Variants in TRPM7 observed in about 807,000 individuals in gnomAD.
TRPM7 encodes transient receptor potential cation channel subfamily M member 7, also known as LTRPC ion channel family member 7.
TRPM7 carries 134 observed loss-of-function variants against 229.7 expected under a neutral mutation model. The ratio of observed to expected loss-of-function variants is 0.58; its 90% CI spans 0.51 to 0.67. The LOEUF (loss-of-function observed/expected upper bound fraction) is 0.67, where lower values mean the gene tolerates loss of function less well. Ranked by LOEUF, TRPM7 falls within the 30% of genes least tolerant of loss-of-function variation. TRPM7 has a pLI of 0.00. For missense variants in TRPM7, 1,901 were observed against 2,210.0 expected (o/e 0.86, Z 2.80); for synonymous variants, 699 against 715.2 (o/e 0.98, Z 0.36).
At chr15:50,665,852 G>C (rs929465752) in intron 1 of TRPM7, among the ~76,000 whole-genome samples, 4 of 152,086 alleles carry the variant, frequency 2.6e-5, no homozygotes, top group African/African-American at 7.2e-5. Context: ...AATTAGCAGA[G>C]TGTTGTGGTG....
At chr15:50,606,949 G>A (rs2059932859) in intron 20 of TRPM7, among the ~76,000 whole-genome samples, 1 of 152,104 alleles carries the variant, frequency 6.6e-6, no homozygotes, top group South Asian at 2.1e-4. Context: ...ACAAAATACA[G>A]GTTACATTTT....
At chr15:50,605,889 T>A (rs139081929) in intron 20 of TRPM7, among the ~76,000 whole-genome samples, 1 of 152,080 alleles carries the variant, frequency 6.6e-6, no homozygotes, top group Non-Finnish European at 1.5e-5. Flanking sequence ...GAATTTAAAA[T>A]GCAAAATAAG....
chr15:50,647,421 G>A (rs1439228149), intron 4 of TRPM7, among the ~76,000 whole-genome samples: 6 of 150,140 alleles, frequency 4.0e-5, no homozygotes, highest in African/African-American at 1.2e-4. Flanking sequence ...GTGAGCCACC[G>A]TGCCTGACCT....
At position 50,657,782 on chromosome 15, in the gene TRPM7, T is replaced by C. The variant is rs763741371; in HGVS notation, c.121A>G (p.Arg41Gly). 1 of 1,611,698 alleles carries C rather than the reference T, an allele frequency of 6.2e-7. No individual in the cohort carries two copies. Among genetic ancestry groups the C allele is most frequent in the Non-Finnish European group, 8.5e-7 (1 of 1,178,526 alleles). ...GCGGTATAGTTATGTTAAACTTACC[T>C]GACGAGTTGCTGACAAATTTGACAT... Reference protein sequence around the residue: ...PGCQICQQLVRCFCGRLVKQH... With the variant: ...PGCQICQQLVGCFCGRLVKQH... Residue 41 changes from arginine to glycine, a missense_variant and splice_region_variant, in exon 3 of 39, where the codon AGG becomes GGG. Arg to Gly is a moderately radical substitution (Grantham distance 125). Around this residue, in one of 8 missense-constraint regions of TRPM7, gnomAD observed 794 missense variants for 881.9 expected, o/e 0.90. Transcript: ENST00000646667.
chr15:50,574,845 CACTT>C lies in TRPM7; in HGVS notation c.5019+3_5019+6del, dbSNP rs1330450037. 5 of 1,606,578 alleles carry C rather than the reference CACTT, an allele frequency of 3.1e-6. No homozygotes were observed. The highest frequency in any genetic ancestry group is 2.7e-5 in the African/African-American group (2 of 74,464). Reference sequence around the variant, plus strand: ...TGTTCCACTATTAAATATTCACTGACACTTACTCTCAGACAGAGATGCAGAACTG... The same window carrying C: ...TGTTCCACTATTAAATATTCACTGACACTCTCAGACAGAGATGCAGAACTG... On this transcript the variant is annotated splice_donor_5th_base_variant and intron_variant, in intron 34 of 38. Coordinates refer to ENST00000646667, the MANE Select transcript of TRPM7 (RefSeq NM_017672.6).
chr15:50,597,099 CTTA>C (rs2059654108), intron 22 of TRPM7, among the ~76,000 whole-genome samples: 1 of 152,140 alleles, frequency 6.6e-6, no homozygotes, highest in African/African-American at 2.4e-5. Context: ...TTGAGTTTAT[CTTA>C]TTATGTCACA....
chr15:50,605,719 CACT>C (rs1566992989), intron 20 of TRPM7, among the ~76,000 whole-genome samples: 1 of 152,194 alleles, frequency 6.6e-6, no homozygotes, highest in Non-Finnish European at 1.5e-5. Flanking sequence ...TAGAAGCAAC[CACT>C]ACTATTACTG....
chr15:50,678,906 C>T (rs931834634), intron 1 of TRPM7, among the ~76,000 whole-genome samples: 2 of 152,136 alleles, frequency 1.3e-5, no homozygotes, highest in Non-Finnish European at 2.9e-5. Flanking sequence ...CGAAGTCTCG[C>T]TCTGTCACCC....
At chr15:50,644,890 CTTTGGTT>C (rs1422768261) in intron 4 of TRPM7, among the ~76,000 whole-genome samples, 1 of 146,928 alleles carries the variant, frequency 6.8e-6, no homozygotes, top group Non-Finnish European at 1.5e-5. Context: ...CTTAAGAATA[CTTTGGTT>C]TTTGGTTTTG....
intron 13 of TRPM7, among the ~76,000 whole-genome samples, chr15:50,617,804 G>C (rs564447682): frequency 6.6e-6 from 1 of 151,604 alleles, no homozygotes; most frequent in Non-Finnish European, 1.5e-5. Flanking sequence ...CTACAGGCAC[G>C]TGACAACATG....
chr15:50,679,709 T>C (rs918035588), intron 1 of TRPM7, among the ~76,000 whole-genome samples: 3 of 150,792 alleles, frequency 2.0e-5, no homozygotes, highest in African/African-American at 7.3e-5. Flanking sequence ...CTGATTTTTA[T>C]ATTTTTAGTA....
At chr15:50,584,639 T>C (rs2054600248) in intron 28 of TRPM7, among the ~76,000 whole-genome samples, 1 of 151,804 alleles carries the variant, frequency 6.6e-6, no homozygotes, top group South Asian at 2.1e-4. Context: ...TTTTTAAATT[T>C]TGGAATATTT....
Position 50,578,680 on chromosome 15 carries a change from A to G in TRPM7, c.4593-16T>C. On this transcript the variant is annotated splice_polypyrimidine_tract_variant and intron_variant, in intron 30 of 38. Transcript: ENST00000646667. Reference sequence around the variant, plus strand: ...TTCAGATGGCCTAAAGAAACACCAAAAAATATAGTATAAGCTGTGCTATGA... The same window carrying G: ...TTCAGATGGCCTAAAGAAACACCAAGAAATATAGTATAAGCTGTGCTATGA... 6.2e-7 allele frequency: 1 copy of G among 1,604,102 alleles called. No individual in the cohort carries two copies. The highest frequency in any genetic ancestry group is 8.5e-7 in the Non-Finnish European group (1 of 1,173,586).
At chr15:50,567,028 C>T (rs1248195043) in intron 38 of TRPM7, among the ~76,000 whole-genome samples, 5 of 150,208 alleles carry the variant, frequency 3.3e-5, no homozygotes, top group African/African-American at 1.2e-4. Flanking sequence ...TTTATGCCCC[C>T]AAATTTGACA....
At chr15:50,683,876 T>C (rs1236555851) in intron 1 of TRPM7, among the ~76,000 whole-genome samples, 1 of 151,940 alleles carries the variant, frequency 6.6e-6, no homozygotes, top group Non-Finnish European at 1.5e-5. Flanking sequence ...TCTGATCAAG[T>C]CTTTTTTTTT....
At position 50,570,225 on chromosome 15, in the gene TRPM7, T is replaced by A. The variant is rs2053809653; in HGVS notation, c.5309-70A>T. ...ATTGACATAAATACTGACATCTGCA[T>A]AATAAAAATCATCTTAAGAGATGTT... On this transcript the variant is annotated intron_variant, in intron 36 of 38. Transcript: ENST00000646667. 1.2e-5 allele frequency: 13 copies of A among 1,118,812 alleles called. No homozygotes were observed. In the South Asian group the frequency reaches 1.7e-4, roughly 15 times the overall value. 69.3% of individuals were successfully genotyped at this position (1,118,812 alleles called of 1,614,324 possible).
At chr15:50,645,273 C>G (rs1412934543) in intron 4 of TRPM7, among the ~76,000 whole-genome samples, 3 of 152,194 alleles carry the variant, frequency 2.0e-5, no homozygotes, top group African/African-American at 7.2e-5. Context: ...AACTCCCGGG[C>G]TCAAGTGATC....
At chr15:50,654,945 G>A (rs1247261214) in intron 3 of TRPM7, among the ~76,000 whole-genome samples, 3 of 145,358 alleles carry the variant, frequency 2.1e-5, no homozygotes, top group South Asian at 4.3e-4. Context: ...AGCTTGCAGT[G>A]AGCTGAGACT....
At chr15:50,623,979 G>A (rs1173912534) in intron 12 of TRPM7, among the ~76,000 whole-genome samples, 187 bp downstream of exon 12, 1 of 152,018 alleles carries the variant, frequency 6.6e-6, no homozygotes, top group African/African-American at 2.4e-5. Context: ...ACAGGGAATG[G>A]GTTCTAAAAA....
Sources: gnomAD v4.1 joint callset for allele counts (sites outside exome capture counted in the v4.1 genomes callset) on GRCh38, gnomAD v4.1.1 for gene constraint, gnomAD v4.1.1 regional missense constraint, MANE v1.5 for transcripts, NCBI Gene and HGNC (gene_info 2026-07-23, HGNC 2026-07-21) for gene names.